Variants in RAB10 observed in about 807,000 individuals in gnomAD.
RAB10 encodes ras-related protein Rab-10.
Under a neutral mutation model 25.7 loss-of-function variants are expected in RAB10, and 5 were observed. That is an observed-to-expected ratio of 0.19 (90% CI 0.10 to 0.41). RAB10 has a LOEUF of 0.41. Ranked by LOEUF, RAB10 falls within the 10% of genes least tolerant of loss-of-function variation. RAB10 has a pLI of 1.00. For missense variants in RAB10, 103 were observed against 245.8 expected (o/e 0.42, Z 3.89); for synonymous variants, 89 against 86.4 (o/e 1.03, Z -0.16).
chr2:26,127,739 T>A (rs1667933294), intron 4 of RAB10, 111 bp from the exon 5 acceptor site: 1 of 716,736 alleles, frequency 1.4e-6, no homozygotes, highest in Admixed American at 2.5e-5. Context: ...GTGTTATATA[T>A]TCTAGTTGGG....
chr2:26,049,618 A>G (rs1438600196), intron 1 of RAB10, among the ~76,000 whole-genome samples: 1 of 152,108 alleles, frequency 6.6e-6, no homozygotes, highest in Non-Finnish European at 1.5e-5. Context: ...CATGTTGGCC[A>G]GGCTGGTCTC....
At chr2:26,062,761 A>G (rs1381416579) in intron 1 of RAB10, among the ~76,000 whole-genome samples, 3 of 152,150 alleles carry the variant, frequency 2.0e-5, no homozygotes, top group African/African-American at 4.8e-5. Context: ...AGTTTAAAGA[A>G]CTTTAACCTT....
chr2:26,097,032 C>T (rs1023714156), intron 1 of RAB10, among the ~76,000 whole-genome samples: 6 of 152,072 alleles, frequency 3.9e-5, no homozygotes, highest in Admixed American at 6.6e-5. Context: ...GCCTGGGCAA[C>T]GTGGCAAGAC....
At chr2:26,061,057 C>T (rs1434298314) in intron 1 of RAB10, among the ~76,000 whole-genome samples, 3 of 140,184 alleles carry the variant, frequency 2.1e-5, no homozygotes, top group African/African-American at 7.9e-5. Flanking sequence ...AGAGCTGATA[C>T]TCAGTTGAAA....
intron 1 of RAB10, among the ~76,000 whole-genome samples, chr2:26,041,494 G>C (rs772099388): frequency 2.1e-5 from 3 of 144,158 alleles, no homozygotes; most frequent in Admixed American, 7.5e-5. Context: ...AGTGAGTTGA[G>C]CTCGTGCCAC....
chr2:26,096,277 C>T (rs1667207885), intron 1 of RAB10, among the ~76,000 whole-genome samples: 1 of 152,178 alleles, frequency 6.6e-6, no homozygotes, highest in African/African-American at 2.4e-5. Flanking sequence ...TGGACTATTG[C>T]TGTCATTCAT....
intron 1 of RAB10, among the ~76,000 whole-genome samples, chr2:26,040,815 T>G (rs1379571806): frequency 6.6e-6 from 1 of 152,316 alleles, no homozygotes. Flanking sequence ...GAAATAATTT[T>G]TATAGATTTA....
rs1346249985 is a variant in RAB10 at position 26,135,860 on chromosome 2, CTAG to C, written c.*843_*845del. The C allele has an allele frequency of 6.6e-6, 1 of 152,592 alleles. No individual in the cohort carries two copies. Among genetic ancestry groups the C allele is most frequent in the African/African-American group, 2.4e-5 (1 of 41,438 alleles). The allele number at this position is 152,592 out of a possible 1,614,324, so 9.5% of individuals were successfully genotyped here. A position where few individuals can be genotyped will look rare whatever the true frequency, so the allele number is the denominator to read the frequency against. ...TATATTTAAGAGTGAAAGGGACAAA[CTAG>C]TAGGTTTGTCAAGTTTAATATAAAG... On this transcript the variant is annotated 3_prime_UTR_variant, in exon 6 of 6. Coordinates refer to ENST00000264710, the MANE Select transcript of RAB10 (RefSeq NM_016131.5).
intron 1 of RAB10, among the ~76,000 whole-genome samples, chr2:26,089,074 G>T (rs1667048701): frequency 6.6e-6 from 1 of 152,172 alleles, no homozygotes; most frequent in African/African-American, 2.4e-5. Context: ...AAACTGGAGG[G>T]AATAAGACTG....
chr2:26,063,344 A>G (rs1259189935), intron 1 of RAB10, among the ~76,000 whole-genome samples: 1 of 152,116 alleles, frequency 6.6e-6, no homozygotes, highest in Non-Finnish European at 1.5e-5. Context: ...ACTCTGGAAA[A>G]ATTGTGCAAT....
At chr2:26,125,536 A>G (rs961417927) in intron 3 of RAB10, among the ~76,000 whole-genome samples, 2 of 150,524 alleles carry the variant, frequency 1.3e-5, no homozygotes, top group Non-Finnish European at 3.0e-5. Context: ...TGCAGCCTCA[A>G]CTTCCCAGGC....
chr2:26,108,627 A>C (rs1667512654), intron 2 of RAB10, among the ~76,000 whole-genome samples: 1 of 150,946 alleles, frequency 6.6e-6, no homozygotes, highest in African/African-American at 2.4e-5. Context: ...AAAAAAAAAA[A>C]CCCTGAAATC....
chr2:26,114,859 A>G (rs1412806603), intron 3 of RAB10, among the ~76,000 whole-genome samples: 1 of 151,920 alleles, frequency 6.6e-6, no homozygotes, highest in Non-Finnish European at 1.5e-5. Flanking sequence ...CCATGATTGC[A>G]TTACTACACT....
chr2:26,092,184 AAAG>A, intron 1 of RAB10, among the ~76,000 whole-genome samples: 1 of 151,742 alleles, frequency 6.6e-6, no homozygotes, highest in African/African-American at 2.4e-5. Context: ...AAAAAAAAAA[AAAG>A]AAAAAAGATC....
rs953520268 is a variant in RAB10, at chr2:26,136,789, G to A, written c.*1768G>A. 3.9e-5 allele frequency: 6 copies of A among 152,520 alleles called. No individual in the cohort carries two copies. The highest frequency in any genetic ancestry group is 8.8e-5 in the Non-Finnish European group (6 of 68,024). The allele number at this position is 152,520 out of a possible 1,614,324, so 9.4% of individuals were successfully genotyped here. On this transcript the variant is annotated 3_prime_UTR_variant, in exon 6 of 6. Coordinates refer to ENST00000264710, the MANE Select transcript of RAB10 (RefSeq NM_016131.5). ...TGAAAATCCACAAATTTTTCAGATA[G>A]TGCCCTAAAAACAATTTTATATGCC... is the stretch of plus-strand genomic sequence containing the variant.
chr2:26,107,079 C>T (rs997822933), intron 2 of RAB10, among the ~76,000 whole-genome samples: 1 of 151,848 alleles, frequency 6.6e-6, no homozygotes, highest in Non-Finnish European at 1.5e-5. Context: ...AAACCCATCT[C>T]TACTAAAAAT....
At chr2:26,058,661 G>T (rs1666321748) in intron 1 of RAB10, among the ~76,000 whole-genome samples, 1 of 152,114 alleles carries the variant, frequency 6.6e-6, no homozygotes, top group Non-Finnish European at 1.5e-5. Flanking sequence ...TTTTGAACTT[G>T]CCAAGCACAC....
intron 1 of RAB10, among the ~76,000 whole-genome samples, chr2:26,087,694 G>T (rs575972347): frequency 6.6e-6 from 1 of 152,154 alleles, no homozygotes; most frequent in African/African-American, 2.4e-5. Context: ...GAGCCACCAC[G>T]CCCAGCCTTT....
chr2:26,050,737 C>T (rs1377747607), intron 1 of RAB10, among the ~76,000 whole-genome samples: 2 of 151,816 alleles, frequency 1.3e-5, no homozygotes, highest in African/African-American at 4.8e-5. Flanking sequence ...AATCCTCCCA[C>T]TTCAGCCTCC....
Sources: gnomAD v4.1 joint callset for allele counts (sites outside exome capture counted in the v4.1 genomes callset) on GRCh38, gnomAD v4.1.1 for gene constraint, MANE v1.5 for transcripts, NCBI Gene and HGNC (gene_info 2026-07-23, HGNC 2026-07-21) for gene names.